Variants in KAZN observed in about 807,000 individuals in gnomAD.
The protein encoded by KAZN is kazrin.
In KAZN, 40 loss-of-function variants were observed where a neutral mutation model predicts 87.4. That is an observed-to-expected ratio of 0.46 (90% CI 0.36 to 0.60). The LOEUF is 0.60. Ranked by LOEUF, KAZN falls within the 20% of genes least tolerant of loss-of-function variation. The pLI, the probability that KAZN is intolerant of heterozygous loss-of-function variation, is 0.00. For missense variants in KAZN, 898 were observed against 1,073.9 expected (o/e 0.84, Z 2.29); for synonymous variants, 466 against 458.3 (o/e 1.02, Z -0.22).
intron 2 of KAZN, among the ~76,000 whole-genome samples, chr1:14,400,952 ATAT>A (rs1663351823): frequency 6.6e-6 from 1 of 152,262 alleles, no homozygotes; most frequent in South Asian, 2.1e-4. Context: ...ATAGATATTC[ATAT>A]GACAAATGTG....
At chr1:14,628,842 CTTTTT>C (rs67908811) in intron 1 of KAZN, among the ~76,000 whole-genome samples, 1 of 126,838 alleles carries the variant, frequency 7.9e-6, no homozygotes. Context: ...CTTTCACATT[CTTTTT>C]TTTTTTTTTT....
At chr1:15,100,535 T>A (rs1033858051) in intron 10 of KAZN, among the ~76,000 whole-genome samples, 3 of 152,168 alleles carry the variant, frequency 2.0e-5, no homozygotes, top group African/African-American at 7.2e-5. Flanking sequence ...CCTCGTTCCT[T>A]CTGCAAGGCT....
intron 1 of KAZN, among the ~76,000 whole-genome samples, chr1:14,168,090 G>C (rs1355537329): frequency 6.6e-6 from 1 of 152,170 alleles, no homozygotes; most frequent in Non-Finnish European, 1.5e-5. Flanking sequence ...TCTTCCTTGA[G>C]CCAAAGCCCA....
rs1657170858 is a variant in KAZN, at chr1:14,910,855, G to A, written c.227-49829G>A. Among the ~76,000 whole-genome samples the A allele has an allele frequency of 3.3e-5, 5 of 152,156 alleles. No individual in the cohort carries two copies. In the South Asian group the frequency reaches 1.0e-3, roughly 32 times the overall value. On this transcript the variant is annotated intron_variant, in intron 1 of 14. Transcript: ENST00000376030. Reference sequence around the variant, plus strand: ...TCCTATCTTTTAAGTGAAATTTTCTGATTCTTAAATGTCGGCAACTAATGT... The same window carrying A: ...TCCTATCTTTTAAGTGAAATTTTCTAATTCTTAAATGTCGGCAACTAATGT...
At chr1:14,171,384 T>C (rs1054412260) in intron 1 of KAZN, among the ~76,000 whole-genome samples, 1 of 152,230 alleles carries the variant, frequency 6.6e-6, no homozygotes, top group Non-Finnish European at 1.5e-5. Flanking sequence ...CCACAGTGGA[T>C]GGACCATTTT....
chr1:15,060,498 T>C (rs1361921286), intron 6 of KAZN, 196 bp downstream of exon 6: 9 of 725,230 alleles, frequency 1.2e-5, no homozygotes, highest in Non-Finnish European at 2.0e-5. Context: ...GAGGCCCGTT[T>C]GCTCCTTGTG....
intron 2 of KAZN, among the ~76,000 whole-genome samples, chr1:14,399,634 G>A (rs2101126797): frequency 6.6e-6 from 1 of 152,174 alleles, no homozygotes; most frequent in Middle Eastern, 3.4e-3. Flanking sequence ...CTCTGTCCTG[G>A]GTCACAGCTG....
intron 2 of KAZN, among the ~76,000 whole-genome samples, chr1:14,994,017 C>T (rs1667626264): frequency 6.6e-6 from 1 of 152,178 alleles, no homozygotes; most frequent in Non-Finnish European, 1.5e-5. Flanking sequence ...AGCTCTTAGG[C>T]ATGGTCGCCT....
intron 1 of KAZN, among the ~76,000 whole-genome samples, chr1:14,764,877 G>C (rs1016818410): frequency 6.6e-6 from 1 of 152,182 alleles, no homozygotes; most frequent in Admixed American, 6.5e-5. Flanking sequence ...ATCCCCACAA[G>C]AGTGCTGCAT....
At chr1:13,940,958 G>T (rs1052736800) in intron 1 of KAZN, among the ~76,000 whole-genome samples, 4 of 152,184 alleles carry the variant, frequency 2.6e-5, no homozygotes, top group African/African-American at 9.7e-5. Context: ...ACTTTGGGAG[G>T]CGGAAGTGGG....
chr1:14,535,382 C>G (rs1243344000), intron 2 of KAZN, among the ~76,000 whole-genome samples: 2 of 152,332 alleles, frequency 1.3e-5, no homozygotes, highest in South Asian at 2.1e-4. Flanking sequence ...ATACACTGGA[C>G]TTGGCTGGGT....
At chr1:14,358,594 G>A (rs1274106264) in intron 2 of KAZN, among the ~76,000 whole-genome samples, 4 of 152,010 alleles carry the variant, frequency 2.6e-5, no homozygotes, top group Non-Finnish European at 4.4e-5. Flanking sequence ...CATTGCTTTA[G>A]CTGTGTCCCA....
At chr1:14,943,935 G>A (rs946369944) in intron 1 of KAZN, among the ~76,000 whole-genome samples, 15 of 152,172 alleles carry the variant, frequency 9.9e-5, no homozygotes, top group African/African-American at 1.4e-4. Context: ...TTAGCCGGGC[G>A]TGGTGGCGCA....
intron 1 of KAZN, among the ~76,000 whole-genome samples, chr1:13,915,441 A>G (rs1046163731): frequency 3.3e-5 from 5 of 152,200 alleles, no homozygotes; most frequent in African/African-American, 1.2e-4. Context: ...TTTATGGAGG[A>G]CCCGCAATAG....
intron 2 of KAZN, among the ~76,000 whole-genome samples, chr1:14,514,385 TA>T (rs1330798382): frequency 2.0e-4 from 4 of 19,874 alleles, no homozygotes; most frequent in African/African-American, 9.5e-4. Flanking sequence ...AATATATATA[TA>T]TTATATATAT....
At chr1:14,276,940 A>G (rs1468007600) in intron 2 of KAZN, among the ~76,000 whole-genome samples, 1 of 152,214 alleles carries the variant, frequency 6.6e-6, no homozygotes, top group East Asian at 1.9e-4. Context: ...GATTTGACTT[A>G]GGACTTCCGC....
chr1:14,693,834 G>A (rs780878688), intron 1 of KAZN, among the ~76,000 whole-genome samples: 16 of 152,270 alleles, frequency 1.1e-4, no homozygotes, highest in African/African-American at 3.4e-4. Context: ...CTCTCCAGGC[G>A]CTCAGCTCAG....
chr1:14,063,958 C>T (rs1642899121), intron 1 of KAZN, among the ~76,000 whole-genome samples: 2 of 150,996 alleles, frequency 1.3e-5, no homozygotes, highest in Admixed American at 6.6e-5. Context: ...TCTCTCTCGC[C>T]CAGGCTCGAG....
chr1:15,020,909 G>A (rs1031293925), intron 2 of KAZN, among the ~76,000 whole-genome samples: 3 of 152,108 alleles, frequency 2.0e-5, no homozygotes, highest in African/African-American at 4.8e-5. Flanking sequence ...GTCTGGCTCC[G>A]GGTTCTCACT....
Sources: allele counts gnomAD v4.1 joint callset (sites outside exome capture counted in the v4.1 genomes callset), GRCh38; gene constraint gnomAD v4.1.1; transcripts MANE v1.5; gene names NCBI Gene and HGNC (gene_info 2026-07-23, HGNC 2026-07-21).